The following ANP32E variants were observed in gnomAD, a reference collection of about 807,000 sequenced individuals.
ANP32E encodes the protein acidic leucine-rich nuclear phosphoprotein 32 family member E.
In ANP32E, 14 loss-of-function variants were observed where a neutral mutation model predicts 35.3. The observed-to-expected ratio is 0.40, with a 90% CI of 0.26 to 0.62. ANP32E has a LOEUF of 0.62. Ranked by LOEUF, ANP32E falls within the 20% of genes least tolerant of loss-of-function variation. The pLI is 0.45. For synonymous variants in ANP32E, 89 were observed against 110.4 expected (o/e 0.81, Z 1.22); for missense variants, 198 against 304.4 (o/e 0.65, Z 2.60).
In ANP32E at chr1:150,235,929, G is replaced by T; in HGVS notation, c.-143C>A. 3 of 635,106 alleles carry T rather than the reference G, an allele frequency of 4.7e-6. No individual in the cohort carries two copies. Among genetic ancestry groups the T allele is most frequent in the Admixed American group, 5.5e-5 (2 of 36,180 alleles). The allele number at this position is 635,106 out of a possible 1,614,324, so 39.3% of individuals were successfully genotyped here. A position where few individuals can be genotyped will look rare whatever the true frequency, so the allele number is the denominator to read the frequency against. On this transcript the variant is annotated 5_prime_UTR_variant, in exon 1 of 7. Transcript: ENST00000583931. This position sits in a 1 kb window ranked among gnomAD's most constrained non-coding sequence, Gnocchi z 4.2. The stretch of plus-strand genomic sequence containing the variant: ...CGCCCACTACCACCACCAGATAGGT[G>T]TGGGGGAGAAAGAAGAGAATAGCAA...
rs587621968 is a variant in ANP32E, at chr1:150,235,479, G to C, written c.54+254C>G. On this transcript the variant is annotated intron_variant, in intron 1 of 6. Transcript: ENST00000583931. The surrounding 1 kb of genome is among the most constrained non-coding windows in gnomAD (Gnocchi z 4.2). The stretch of plus-strand genomic sequence containing the variant: ...CCGCCCCCACGAGGTCAGGACGCCC[G>C]ACTCGATGAAAGCCGAAAGGAGCTA... 1.3e-5 allele frequency among the ~76,000 whole-genome samples: 2 copies of C among 152,334 alleles called. No homozygotes were observed. The highest frequency in any genetic ancestry group is 4.1e-4 in the South Asian group (2 of 4,830).
chr1:150,231,241 GA>G (rs1358838743), intron 2 of ANP32E, among the ~76,000 whole-genome samples: 2 of 152,134 alleles, frequency 1.3e-5, no homozygotes, highest in Middle Eastern at 3.2e-3. Flanking sequence ...ATGATGTAGA[GA>G]AAAATATTTG....
chr1:150,220,634 G>T lies in ANP32E; in HGVS notation c.*57C>A, dbSNP rs1330971305. 2 of 1,468,652 alleles carry T rather than the reference G, an allele frequency of 1.4e-6. No individual in the cohort carries two copies. The highest frequency in any genetic ancestry group is 3.4e-5 in the Admixed American group (2 of 59,228). The allele number at this position is 1,468,652 out of a possible 1,614,324, so 91.0% of individuals were successfully genotyped here. ...TAGCTATCGTACATGAAGAAACAAAGATGTGATCACTCTATTGCACACCCA... is the reference window on the plus strand; with the variant it reads ...TAGCTATCGTACATGAAGAAACAAATATGTGATCACTCTATTGCACACCCA... On this transcript the variant is annotated 3_prime_UTR_variant, in exon 7 of 7. Coordinates refer to ENST00000583931, the MANE Select transcript of ANP32E (RefSeq NM_030920.5).
intron 5 of ANP32E, among the ~76,000 whole-genome samples, chr1:150,223,537 C>A (rs587637533): frequency 6.6e-6 from 1 of 151,704 alleles, no homozygotes; most frequent in South Asian, 2.1e-4. Context: ...AAAAACTAGC[C>A]GGGCATGGTG....
At chr1:150,224,838 TA>T (rs1271529331) in intron 5 of ANP32E, among the ~76,000 whole-genome samples, 6 of 152,202 alleles carry the variant, frequency 3.9e-5, no homozygotes, top group African/African-American at 1.4e-4. Context: ...AACTTCAATT[TA>T]ACATTAGGAG....
At chr1:150,224,804 TTTAAA>T (rs1186419029) in intron 5 of ANP32E, among the ~76,000 whole-genome samples, 3 of 152,216 alleles carry the variant, frequency 2.0e-5, no homozygotes, top group African/African-American at 4.8e-5. Flanking sequence ...TAAAAAATAC[TTTAAA>T]TTATGAGTTT....
At position 150,220,716 on chromosome 1, in the gene ANP32E, T is replaced by C; in HGVS notation, c.782A>G (p.Asp261Gly). 1 of 1,614,064 alleles carries C rather than the reference T, an allele frequency of 6.2e-7. No homozygotes were observed. Among genetic ancestry groups the C allele is most frequent in the East Asian group, 2.2e-5 (1 of 44,868 alleles). ...RGEKRKRDAE[D>G]DGEEEDD ...CTAGTCATCTTCTTCCTCTCCATCG[T>C]CTTCAGCATCTCGTTTCCTCTTCTC... Residue 261 changes from aspartate (D) to glycine (G), a missense_variant, in exon 7 of 7, where the codon GAC becomes GGC. Physicochemically the swap from Asp to Gly is moderately conservative, Grantham distance 94. Around this residue, in one of 4 missense-constraint regions of ANP32E, gnomAD observed 121 missense variants for 137.3 expected, o/e 0.88. Transcript: ENST00000583931.
chr1:150,226,686 A>G lies in ANP32E; in HGVS notation c.603T>C (p.Asp201=). The change falls in exon 5 of 7, where the codon GAT becomes GAC. Residue 201 remains aspartate, a synonymous_variant. Coordinates refer to ENST00000583931, the MANE Select transcript of ANP32E (RefSeq NM_030920.5). ...EEEEDEDEDE[D]EDEAGSELGE... is the part of the protein sequence containing the mutation. ...CCAACTCTGAACCTGCTTCATCTTC[A>G]TCTTCATCCTCATCCTCATCCTCCT... 1.3e-6 allele frequency: 2 copies of G among 1,599,064 alleles called. No individual in the cohort carries two copies. The highest frequency in any genetic ancestry group is 1.7e-6 in the Non-Finnish European group (2 of 1,168,948).
Position 150,235,169 on chromosome 1 carries a change from G to A in ANP32E, c.54+564C>T, listed in dbSNP as rs1553842940. Reference sequence around the variant, plus strand: ...CGAAGGGCAGAGGGCGGCGCGCGCGGCTTCCCGGAGGAGTGGGCGCCGCCG... The same window carrying A: ...CGAAGGGCAGAGGGCGGCGCGCGCGACTTCCCGGAGGAGTGGGCGCCGCCG... On this transcript the variant is annotated intron_variant, in intron 1 of 6. Coordinates refer to ENST00000583931, the MANE Select transcript of ANP32E (RefSeq NM_030920.5). This position sits in a 1 kb window ranked among gnomAD's most constrained non-coding sequence, Gnocchi z 4.2. Among the ~76,000 whole-genome samples, 1 of 152,208 alleles carries A rather than the reference G, an allele frequency of 6.6e-6. No individual in the cohort carries two copies. The highest frequency in any genetic ancestry group is 2.4e-5 in the African/African-American group (1 of 41,458).
At chr1:150,222,978 T>C (rs935344012) in intron 6 of ANP32E, among the ~76,000 whole-genome samples, 3 of 151,926 alleles carry the variant, frequency 2.0e-5, no homozygotes, top group East Asian at 1.9e-4. Flanking sequence ...TTATGAGTTA[T>C]GAATTAATGA....
intron 6 of ANP32E, among the ~76,000 whole-genome samples, chr1:150,221,344 C>T (rs1648350829): frequency 6.7e-6 from 1 of 148,816 alleles, no homozygotes; most frequent in South Asian, 2.1e-4. Context: ...GAGGCTGGGG[C>T]AGGAGAATTG....
chr1:150,232,323 G>A (rs1162790962), intron 1 of ANP32E, among the ~76,000 whole-genome samples: 1 of 96,568 alleles, frequency 1.0e-5, no homozygotes, highest in Non-Finnish European at 2.0e-5. Context: ...CAGCCTGGGC[G>A]ACAGAGGGAG....
intron 3 of ANP32E, 67 bp from the exon 4 acceptor site, chr1:150,229,304 T>C (rs1054980690): frequency 5.9e-6 from 6 of 1,013,414 alleles, no homozygotes; most frequent in African/African-American, 3.5e-5. Context: ...TTTTCTTTTT[T>C]TTTTTTTTTT....
At chr1:150,234,627 G>A in intron 1 of ANP32E, 1 of 985,604 alleles carries the variant, frequency 1.0e-6, no homozygotes, top group Non-Finnish European at 1.2e-6. Flanking sequence ...TCCTCTGCGA[G>A]GCTCCCCGCT....
rs1234897656 is a variant in ANP32E at position 150,235,304 on chromosome 1, G to C, written c.54+429C>G. On this transcript the variant is annotated intron_variant, in intron 1 of 6. Transcript: ENST00000583931. The surrounding 1 kb of genome is among the most constrained non-coding windows in gnomAD (Gnocchi z 4.2). ...GCCCACCCCCTAAAAAGATGAGTTG[G>C]CCGCACTGCAGAAAAGTTGGACTAA... Among the ~76,000 whole-genome samples, 3 of 152,220 alleles carry C rather than the reference G, an allele frequency of 2.0e-5. No individual in the cohort carries two copies. The highest frequency in any genetic ancestry group is 7.2e-5 in the African/African-American group (3 of 41,456).
rs112841535 is a variant in ANP32E at position 150,222,435 on chromosome 1, TAAATAAAATAAAATA to T, written c.736+736_736+750del. ...CTCCATCTCAAAAAAAATAAATAAA[TAAATAAAATAAAATA>T]AAATAAAATAAAATAAAAATATTGG... On this transcript the variant is annotated intron_variant, in intron 6 of 6. Transcript: ENST00000583931. Among the ~76,000 whole-genome samples, 275 of 133,736 alleles carry T rather than the reference TAAATAAAATAAAATA, an allele frequency of 2.1e-3. 1 individual carries two copies. Among genetic ancestry groups the T allele is most frequent in the African/African-American group, 7.1e-3 (261 of 36,778 alleles). 87.7% of individuals were successfully genotyped at this position (133,736 alleles called of 152,430 possible).
intron 6 of ANP32E, 56 bp from the exon 7 acceptor site, chr1:150,220,817 T>C: frequency 1.3e-6 from 2 of 1,499,810 alleles, no homozygotes; most frequent in Non-Finnish European, 1.9e-6. Context: ...TGAGGATTGG[T>C]TACATTTTTG....
intron 6 of ANP32E, 77 bp downstream of exon 6, chr1:150,223,109 T>C (rs890252857): frequency 1.4e-6 from 2 of 1,424,224 alleles, no homozygotes; most frequent in Non-Finnish European, 1.9e-6. Context: ...TTAAAGTGTA[T>C]GAAATACAAA....
chr1:150,234,694 G>C (rs2101799993), intron 1 of ANP32E: 1 of 985,082 alleles, frequency 1.0e-6, no homozygotes, highest in African/African-American at 1.7e-5. Context: ...ACCCCACACG[G>C]GGCGGGGACT....
Sources: allele counts gnomAD v4.1 joint callset (sites outside exome capture counted in the v4.1 genomes callset), GRCh38; gene constraint gnomAD v4.1.1; regional missense constraint gnomAD v4.1.1; non-coding constraint Gnocchi (gnomAD v3.1); transcripts MANE v1.5; gene names NCBI Gene and HGNC (gene_info 2026-07-23, HGNC 2026-07-21).